The following DACH2 variants were observed in gnomAD, a reference collection of about 807,000 sequenced individuals.
DACH2 encodes dachshund family transcription factor 2.
Under a neutral mutation model 35.8 loss-of-function variants are expected in DACH2, and 17 were observed. That is an observed-to-expected ratio of 0.48 (90% CI 0.33 to 0.71). DACH2 has a LOEUF of 0.71. Among genes scored for constraint, DACH2 ranks in the 30% least tolerant of loss-of-function variants. DACH2 has a pLI of 0.02. For synonymous variants in DACH2, 195 were observed against 177.3 expected, an observed-to-expected ratio of 1.10 and a Z score of -0.79; for missense variants, 469 against 472.7, an observed-to-expected ratio of 0.99 and a Z score of 0.07.
chrX:86,789,378 A>G (rs147345886), intron 7 of DACH2, among the ~76,000 whole-genome samples: 84 of 112,163 alleles, frequency 7.5e-4, no homozygotes, highest in African/African-American at 2.6e-3. Context: ...TTTAGTTTGC[A>G]TGGCTAACAC....
At chrX:86,302,420 CT>C in intron 1 of DACH2, among the ~76,000 whole-genome samples, 1 of 111,642 alleles carries the variant, frequency 9.0e-6, no homozygotes, top group African/African-American at 3.2e-5. Flanking sequence ...AATTGTATAC[CT>C]TTTCAAACAT....
intron 1 of DACH2, among the ~76,000 whole-genome samples, chrX:86,320,429 C>T (rs1382509625): frequency 4.5e-5 from 5 of 111,919 alleles, no homozygotes; most frequent in Admixed American, 2.8e-4. Context: ...CATTTAGTTT[C>T]TTCAGTTTTC....
chrX:86,366,663 A>G (rs1240669814), intron 1 of DACH2, among the ~76,000 whole-genome samples: 2 of 110,835 alleles, frequency 1.8e-5, no homozygotes, highest in African/African-American at 3.3e-5. Context: ...GTGATTCTCA[A>G]CACTGGAGGG....
chrX:86,157,515 C>T (rs1235965122), intron 1 of DACH2, among the ~76,000 whole-genome samples: 3 of 111,503 alleles, frequency 2.7e-5, no homozygotes, highest in Admixed American at 9.5e-5. Context: ...AAAGAATTTG[C>T]AAGCTAAACA....
At chrX:86,718,696 G>A (rs906502908) in intron 6 of DACH2, among the ~76,000 whole-genome samples, 1 of 111,552 alleles carries the variant, frequency 9.0e-6, no homozygotes, top group Non-Finnish European at 1.9e-5. Context: ...TTCTGTGTAT[G>A]GCAATCAAAG....
intron 4 of DACH2, among the ~76,000 whole-genome samples, chrX:86,662,658 A>G (rs1161488290): frequency 9.0e-6 from 1 of 111,531 alleles, no homozygotes; most frequent in African/African-American, 3.3e-5. Context: ...CATGAACAGT[A>G]GTACAAGGAG....
At position 86,482,486 on chromosome X, in the gene DACH2, G is replaced by A. The variant is rs367966895; in HGVS notation, c.528-31793G>A. Among the ~76,000 whole-genome samples, 284 of 110,368 alleles carry A rather than the reference G, an allele frequency of 2.6e-3. 3 individuals are homozygous for A. In the South Asian group the frequency reaches 0.074, roughly 29 times the overall value. The stretch of plus-strand genomic sequence containing the variant: ...AGTCTTTGCTATTGTGAATAATGCC[G>A]CAATAAACATACATGTGCATGTGTC... On this transcript the variant is annotated intron_variant, in intron 2 of 11. Transcript: ENST00000373125.
intron 2 of DACH2, among the ~76,000 whole-genome samples, chrX:86,468,339 T>C (rs2037707229): frequency 9.0e-6 from 1 of 111,246 alleles, no homozygotes; most frequent in African/African-American, 3.3e-5. Context: ...AGCTCTCCTC[T>C]TTCTTTGAAT....
At chrX:86,461,492 T>G (rs1316339517) in intron 2 of DACH2, among the ~76,000 whole-genome samples, 8 of 111,125 alleles carry the variant, frequency 7.2e-5, no homozygotes, top group Non-Finnish European at 1.1e-4. Flanking sequence ...ATTTTTTTCT[T>G]TATTTACTTA....
At chrX:86,688,120 C>G (rs751179044) in intron 4 of DACH2, among the ~76,000 whole-genome samples, 2 of 112,095 alleles carry the variant, frequency 1.8e-5, no homozygotes, top group South Asian at 7.4e-4. Flanking sequence ...CCATCACACT[C>G]TCTCAGAGTC....
intron 2 of DACH2, among the ~76,000 whole-genome samples, chrX:86,385,638 T>C (rs762472645): frequency 2.8e-4 from 31 of 111,163 alleles, no homozygotes; most frequent in Non-Finnish European, 5.9e-4. Context: ...TTTTGTATCT[T>C]TGGGGGTCCT....
chrX:86,222,283 G>A (rs2032729816), intron 1 of DACH2, among the ~76,000 whole-genome samples: 1 of 112,099 alleles, frequency 8.9e-6, no homozygotes, highest in South Asian at 3.7e-4. Context: ...GGAAAGTATT[G>A]CTTTAGATTT....
At chrX:86,557,917 G>A (rs1444982320) in intron 3 of DACH2, among the ~76,000 whole-genome samples, 3 of 21,518 alleles carry the variant, frequency 1.4e-4, no homozygotes, top group African/African-American at 7.1e-4. Flanking sequence ...TTTCCTAATT[G>A]AATACCCTTT....
intron 7 of DACH2, among the ~76,000 whole-genome samples, chrX:86,775,370 C>T (rs1479682596): frequency 9.0e-6 from 1 of 111,331 alleles, no homozygotes; most frequent in Non-Finnish European, 1.9e-5. Context: ...CATTACTCCT[C>T]GAGCCCCACC....
intron 3 of DACH2, among the ~76,000 whole-genome samples, chrX:86,610,486 G>C (rs1341035769): frequency 9.6e-6 from 1 of 103,800 alleles, no homozygotes; most frequent in Non-Finnish European, 1.9e-5. Context: ...ACCCAGGCTG[G>C]AGTGCAGTGG....
chrX:86,295,459 C>G (rs1055097419), intron 1 of DACH2, among the ~76,000 whole-genome samples: 3 of 111,802 alleles, frequency 2.7e-5, no homozygotes, highest in Non-Finnish European at 3.8e-5. Context: ...CCAGTTCACT[C>G]TCTCTGGGCC....
chrX:86,597,179 C>G (rs1266014850), intron 3 of DACH2, among the ~76,000 whole-genome samples: 1 of 111,613 alleles, frequency 9.0e-6, no homozygotes, highest in Non-Finnish European at 1.9e-5. Context: ...AAGGCAATTG[C>G]GATATTGATT....
intron 3 of DACH2, among the ~76,000 whole-genome samples, chrX:86,542,084 A>G (rs1182881326): frequency 1.8e-5 from 2 of 111,469 alleles, no homozygotes; most frequent in African/African-American, 6.5e-5. Flanking sequence ...AAGATGTAGG[A>G]TATTCTGTCA....
At chrX:86,474,827 G>T (rs916130136) in intron 2 of DACH2, among the ~76,000 whole-genome samples, 2 of 111,709 alleles carry the variant, frequency 1.8e-5, no homozygotes, top group African/African-American at 6.5e-5. Context: ...TCCGCTTCCT[G>T]GGTTCAAGCA....
Sources: gnomAD v4.1 joint callset for allele counts (sites outside exome capture counted in the v4.1 genomes callset) on GRCh38, gnomAD v4.1.1 for gene constraint, MANE v1.5 for transcripts, NCBI Gene and HGNC (gene_info 2026-07-23, HGNC 2026-07-21) for gene names.